The following KATNA1 variants were observed in gnomAD, a reference collection of about 807,000 sequenced individuals.
The protein encoded by KATNA1 is katanin p60 ATPase-containing subunit A1.
KATNA1 carries 42 observed loss-of-function variants against 62.6 expected under a neutral mutation model. That is an observed-to-expected ratio of 0.67 (90% CI 0.52 to 0.87). The LOEUF (loss-of-function observed/expected upper bound fraction) is 0.87, where lower values mean the gene tolerates loss of function less well. KATNA1 is among the 40% of genes least tolerant of loss of function. The probability of loss-of-function intolerance (pLI) is 0.00; values close to 1 mark genes in which losing one functional copy is unlikely to be tolerated. For synonymous variants in KATNA1, 186 were observed against 201.9 expected (o/e 0.92, Z 0.67); for missense variants, 498 against 612.5 (o/e 0.81, Z 1.97).
intron 6 of KATNA1, among the ~76,000 whole-genome samples, chr6:149,602,721 ATT>A (rs563234607): frequency 2.8e-4 from 39 of 140,850 alleles, no homozygotes; most frequent in Admixed American, 5.0e-4. Flanking sequence ...GTGAATTCTA[ATT>A]TTTTTTTTTT....
At chr6:149,642,987 G>A (rs1443046372) in intron 1 of KATNA1, among the ~76,000 whole-genome samples, 1 of 152,226 alleles carries the variant, frequency 6.6e-6, no homozygotes, top group Non-Finnish European at 1.5e-5. Flanking sequence ...CCTTGAATGT[G>A]TGCCTGTAAC....
chr6:149,619,742 T>C (rs1779320272), intron 4 of KATNA1, among the ~76,000 whole-genome samples: 2 of 152,184 alleles, frequency 1.3e-5, no homozygotes, highest in East Asian at 1.9e-4. Flanking sequence ...ATGGGAGGAA[T>C]AGGATTAATG....
chr6:149,606,359 G>A (rs547166189), intron 4 of KATNA1, among the ~76,000 whole-genome samples: 2 of 152,222 alleles, frequency 1.3e-5, no homozygotes, highest in Admixed American at 1.3e-4. Flanking sequence ...AATTTATGAA[G>A]CCCTGCATTA....
intron 1 of KATNA1, among the ~76,000 whole-genome samples, chr6:149,641,121 C>T (rs560939136): frequency 1.8e-3 from 269 of 150,916 alleles, no homozygotes; most frequent in African/African-American, 6.2e-3. Flanking sequence ...CTGCCCACCT[C>T]GGCCTCCCAA....
intron 4 of KATNA1, among the ~76,000 whole-genome samples, chr6:149,620,358 G>C (rs1291282770): frequency 1.3e-5 from 2 of 152,052 alleles, no homozygotes; most frequent in Non-Finnish European, 2.9e-5. Context: ...GAGTGCAGTG[G>C]CGCGATCTTG....
intron 3 of KATNA1, among the ~76,000 whole-genome samples, chr6:149,628,620 G>A (rs1779712399): frequency 6.6e-6 from 1 of 151,880 alleles, no homozygotes; most frequent in Non-Finnish European, 1.5e-5. Flanking sequence ...AGGAGTTCGA[G>A]ATCAGCTTGG....
chr6:149,618,061 A>G, intron 4 of KATNA1, among the ~76,000 whole-genome samples: 1 of 149,194 alleles, frequency 6.7e-6, no homozygotes, highest in South Asian at 2.1e-4. Context: ...AGGCTGAGGC[A>G]GGAGGATCGC....
chr6:149,625,920 C>T (rs553845841), intron 3 of KATNA1, among the ~76,000 whole-genome samples: 60 of 135,576 alleles, frequency 4.4e-4, no homozygotes, highest in Non-Finnish European at 6.1e-4. Flanking sequence ...GGTGACAGAG[C>T]GAGACTCCAT....
At chr6:149,613,345 T>G (rs111909329) in intron 4 of KATNA1, among the ~76,000 whole-genome samples, 1 of 151,894 alleles carries the variant, frequency 6.6e-6, no homozygotes, top group Non-Finnish European at 1.5e-5. Context: ...TCTTAAATAT[T>G]TGACATAGTA....
At chr6:149,638,206 T>G (rs535476686) in intron 2 of KATNA1, among the ~76,000 whole-genome samples, 180 bp downstream of exon 2, 10 of 152,326 alleles carry the variant, frequency 6.6e-5, no homozygotes, top group Admixed American at 6.5e-4. Context: ...ACTCCTGGCC[T>G]CAAGTGATCC....
intron 1 of KATNA1, among the ~76,000 whole-genome samples, chr6:149,645,456 C>CAAA (rs201041700): frequency 1.3e-4 from 16 of 123,786 alleles, no homozygotes; most frequent in East Asian, 8.4e-4. Context: ...AAACAAAAAA[C>CAAA]AAAAAAAAAA....
Position 149,603,277 on chromosome 6 carries a change from T to C in KATNA1, c.720A>G (p.Arg240=). The change falls in exon 6 of 11, where the codon AGA becomes AGG. Residue 240 remains arginine (R), a synonymous_variant. Coordinates refer to ENST00000367411, the MANE Select transcript of KATNA1 (RefSeq NM_007044.4). The part of the protein sequence containing the change: ...WMPEFFKGIR[R]PWKGVLMVGP... The stretch of plus-strand genomic sequence containing the variant: ...ACAGTAATAAACTTACTTTCCATGG[T>C]CTCCTAATGCCCTTAAAGAATTCGG... 2 of 1,494,006 alleles carry C rather than the reference T, an allele frequency of 1.3e-6. No homozygotes were observed. The highest frequency in any genetic ancestry group is 1.8e-6 in the Non-Finnish European group (2 of 1,085,980). 92.5% of individuals were successfully genotyped at this position (1,494,006 alleles called of 1,614,324 possible).
chr6:149,626,654 A>G (rs1157096987), intron 3 of KATNA1, among the ~76,000 whole-genome samples: 1 of 151,746 alleles, frequency 6.6e-6, no homozygotes, highest in Non-Finnish European at 1.5e-5. Flanking sequence ...ATATGATTTA[A>G]AGCATACAGG....
At chr6:149,648,967 G>C (rs1180799670), upstream of KATNA1, 1 of 152,254 alleles carries the variant, frequency 6.6e-6, no homozygotes, top group Non-Finnish European at 1.5e-5. Flanking sequence ...CACACACCGA[G>C]GTCAGGTGTC....
chr6:149,635,696 G>T (rs1780039887), intron 2 of KATNA1, among the ~76,000 whole-genome samples: 1 of 148,016 alleles, frequency 6.8e-6, no homozygotes, highest in Admixed American at 6.8e-5. Flanking sequence ...GCAACAGAGT[G>T]AGACTCCGTC....
intron 1 of KATNA1, among the ~76,000 whole-genome samples, chr6:149,644,546 A>G (rs1780408796): frequency 6.6e-6 from 1 of 152,172 alleles, no homozygotes; most frequent in Non-Finnish European, 1.5e-5. Flanking sequence ...ACCCAAGCCC[A>G]GGAGGTCAAA....
intron 7 of KATNA1, among the ~76,000 whole-genome samples, chr6:149,599,107 T>C (rs1778434653): frequency 6.6e-6 from 1 of 152,070 alleles, no homozygotes; most frequent in Non-Finnish European, 1.5e-5. Flanking sequence ...TCAAGCAATC[T>C]TCCTGCCTCG....
At chr6:149,604,570 C>T in intron 5 of KATNA1, 91 bp downstream of exon 5, 2 of 1,351,476 alleles carry the variant, frequency 1.5e-6, no homozygotes, top group Non-Finnish European at 2.1e-6. Flanking sequence ...TGTCCTCAAG[C>T]TCTGCTCTTC....
intron 3 of KATNA1, among the ~76,000 whole-genome samples, chr6:149,626,907 C>T (rs1330081332): frequency 6.6e-6 from 1 of 151,666 alleles, no homozygotes; most frequent in Non-Finnish European, 1.5e-5. Flanking sequence ...TCGCTTGAAC[C>T]CGGGAGGCGG....
Sources: gnomAD v4.1 joint callset for allele counts (sites outside exome capture counted in the v4.1 genomes callset) on GRCh38, gnomAD v4.1.1 for gene constraint, MANE v1.5 for transcripts, NCBI Gene and HGNC (gene_info 2026-07-23, HGNC 2026-07-21) for gene names.